Variants in SPAG16 observed in about 807,000 individuals in gnomAD.
SPAG16 encodes the protein sperm associated antigen 16, also known as sperm-associated antigen 16 protein.
Under a neutral mutation model 80.4 loss-of-function variants are expected in SPAG16, and 86 were observed. The observed-to-expected ratio is 1.07, with a 90% CI of 0.90 to 1.28. The LOEUF (loss-of-function observed/expected upper bound fraction) is 1.28. Among genes scored for constraint, SPAG16 ranks in the 50% most tolerant of loss-of-function variants. SPAG16 has a pLI of 0.00. For synonymous variants in SPAG16, 294 were observed against 265.9 expected (o/e 1.11, Z -1.03); for missense variants, 870 against 765.3 (o/e 1.14, Z -1.61).
At chr2:214,371,468 G>T (rs1211321356) in intron 15 of SPAG16, among the ~76,000 whole-genome samples, 3 of 146,920 alleles carry the variant, frequency 2.0e-5, no homozygotes, top group African/African-American at 2.6e-5. Flanking sequence ...GGAGGCAGAG[G>T]TTGAGGTGAG....
chr2:213,692,334 T>G (rs897850021), intron 10 of SPAG16, among the ~76,000 whole-genome samples: 2 of 152,216 alleles, frequency 1.3e-5, no homozygotes, highest in African/African-American at 4.8e-5. Flanking sequence ...TTGTGCATAT[T>G]TATTTACATT....
At chr2:213,746,717 G>A (rs746097124) in intron 10 of SPAG16, among the ~76,000 whole-genome samples, 2 of 152,172 alleles carry the variant, frequency 1.3e-5, no homozygotes, top group Non-Finnish European at 2.9e-5. Flanking sequence ...TGAGGCAGGA[G>A]AATCACTTGA....
intron 15 of SPAG16, among the ~76,000 whole-genome samples, chr2:214,184,506 T>G (rs1217359741): frequency 2.0e-5 from 3 of 152,094 alleles, no homozygotes; most frequent in Non-Finnish European, 4.4e-5. Context: ...AAGACATTTC[T>G]TTTGTCACCC....
At chr2:213,296,625 A>G (rs916368395) in intron 2 of SPAG16, among the ~76,000 whole-genome samples, 16 of 152,188 alleles carry the variant, frequency 1.1e-4, no homozygotes, top group African/African-American at 3.9e-4. Flanking sequence ...AGAGGCTGTG[A>G]ATGAAACTGT....
At chr2:213,549,782 C>T (rs1203245708) in intron 10 of SPAG16, among the ~76,000 whole-genome samples, 1 of 152,106 alleles carries the variant, frequency 6.6e-6, no homozygotes, top group Admixed American at 6.5e-5. Flanking sequence ...AAAACCTCAT[C>T]AGTTAAATAT....
intron 15 of SPAG16, among the ~76,000 whole-genome samples, chr2:214,205,375 T>A (rs2058114578): frequency 6.6e-6 from 1 of 152,230 alleles, no homozygotes. Context: ...GTTGATAATG[T>A]ATTTTACTTT....
intron 10 of SPAG16, among the ~76,000 whole-genome samples, chr2:213,690,688 G>A (rs75178630): frequency 0.05 from 7,682 of 152,210 alleles, 606 homozygotes; most frequent in African/African-American, 0.17. Context: ...GAAGAGGATA[G>A]GCAGCTTGTT....
chr2:213,406,475 A>G (rs2634482), intron 9 of SPAG16, among the ~76,000 whole-genome samples: 48,763 of 152,126 alleles, frequency 0.32, 8,601 homozygotes, highest in African/African-American at 0.44. Flanking sequence ...TTAACCATAC[A>G]TTAAGTTGTA....
chr2:213,359,804 G>A (rs553847449), intron 7 of SPAG16, among the ~76,000 whole-genome samples: 1 of 152,186 alleles, frequency 6.6e-6, no homozygotes, highest in Admixed American at 6.5e-5. Context: ...ACTCCCAATG[G>A]GATGAACCAG....
At chr2:214,073,297 C>T (rs1041533245) in intron 13 of SPAG16, among the ~76,000 whole-genome samples, 5 of 149,086 alleles carry the variant, frequency 3.4e-5, no homozygotes, top group Admixed American at 6.7e-5. Flanking sequence ...AGTGCAGTGG[C>T]GCAATCTTGG....
chr2:213,879,029 C>T (rs1024872119), intron 11 of SPAG16, among the ~76,000 whole-genome samples: 4 of 152,072 alleles, frequency 2.6e-5, no homozygotes, highest in Non-Finnish European at 5.9e-5. Context: ...GATACCAGTA[C>T]AATGCTGTTT....
chr2:213,565,452 G>A (rs1249619877), intron 10 of SPAG16, among the ~76,000 whole-genome samples: 3 of 152,200 alleles, frequency 2.0e-5, no homozygotes, highest in Admixed American at 1.3e-4. Flanking sequence ...AATATCATTT[G>A]TTATAAAGCA....
intron 10 of SPAG16, among the ~76,000 whole-genome samples, chr2:213,497,778 T>G (rs2074561270): frequency 6.6e-6 from 1 of 152,140 alleles, no homozygotes; most frequent in Non-Finnish European, 1.5e-5. Context: ...AGGATATAGT[T>G]TCAGTTTTTG....
chr2:214,087,615 T>C (rs1365952884), intron 13 of SPAG16, among the ~76,000 whole-genome samples: 2 of 152,108 alleles, frequency 1.3e-5, no homozygotes, highest in Non-Finnish European at 2.9e-5. Context: ...TTATAGGTGA[T>C]TATTCTTAAG....
chr2:214,320,927 A>C (rs1322446618), intron 15 of SPAG16, among the ~76,000 whole-genome samples: 1 of 152,248 alleles, frequency 6.6e-6, no homozygotes, highest in Non-Finnish European at 1.5e-5. Context: ...TTAATGAAGA[A>C]AATAAATGTA....
intron 15 of SPAG16, among the ~76,000 whole-genome samples, chr2:214,271,377 T>C (rs762551168): frequency 2.6e-5 from 4 of 152,200 alleles, no homozygotes; most frequent in Non-Finnish European, 4.4e-5. Flanking sequence ...TTTTTTCATA[T>C]CTATATCCAT....
At chr2:214,298,458 G>A (rs892755764) in intron 15 of SPAG16, among the ~76,000 whole-genome samples, 1 of 152,060 alleles carries the variant, frequency 6.6e-6, no homozygotes, top group Admixed American at 6.6e-5. Context: ...TCCTTGCTGT[G>A]CCCTTTAGAC....
chr2:213,858,586 G>A (rs3845645), intron 10 of SPAG16, among the ~76,000 whole-genome samples: 52,311 of 151,980 alleles, frequency 0.34, 9,455 homozygotes, highest in South Asian at 0.47. Context: ...TATTCACTTT[G>A]TTGAGATTGT....
chr2:213,463,706 G>T (rs568661913), intron 9 of SPAG16, among the ~76,000 whole-genome samples: 1 of 152,256 alleles, frequency 6.6e-6, no homozygotes. Flanking sequence ...GGATGTCCAG[G>T]CAGAAGTTTG....
Sources: allele counts gnomAD v4.1 joint callset (sites outside exome capture counted in the v4.1 genomes callset), GRCh38; gene constraint gnomAD v4.1.1; transcripts MANE v1.5; gene names NCBI Gene and HGNC (gene_info 2026-07-23, HGNC 2026-07-21).